Variants in KHDRBS3 observed in about 807,000 individuals in gnomAD.
The protein encoded by KHDRBS3 is KH RNA binding domain containing, signal transduction associated 3.
In KHDRBS3, 23 loss-of-function variants were observed where a neutral mutation model predicts 45.6. The ratio of observed to expected loss-of-function variants is 0.50; its 90% CI spans 0.36 to 0.72. The LOEUF (loss-of-function observed/expected upper bound fraction) is 0.72, where lower values mean the gene tolerates loss of function less well. Among genes scored for constraint, KHDRBS3 ranks in the 30% least tolerant of loss-of-function variants. The pLI is 0.00. For missense variants in KHDRBS3, 352 were observed against 424.8 expected (o/e 0.83, Z 1.51); for synonymous variants, 162 against 156.5 (o/e 1.04, Z -0.26).
In KHDRBS3 at chr8:135,542,695, T is replaced by C; in HGVS notation, c.249T>C (p.Ser83=). ...AACTTTTGGGTCCACGTGGCAATTC[T>C]CTGAAGCGTTTACAAGAAGAAACCT... ...VGKLLGPRGN[S]LKRLQEETLT... is the part of the protein sequence containing the mutation. Residue 83 remains serine, a synonymous_variant, in exon 3 of 9, where the codon TCT becomes TCC. Transcript: ENST00000355849. The C allele has an allele frequency of 6.2e-7, 1 of 1,613,894 alleles. No individual in the cohort carries two copies. The highest frequency in any genetic ancestry group is 2.2e-5 in the East Asian group (1 of 44,846).
intron 1 of KHDRBS3, among the ~76,000 whole-genome samples, chr8:135,498,003 C>T (rs1316722643): frequency 6.6e-6 from 1 of 152,126 alleles, no homozygotes; most frequent in East Asian, 1.9e-4. Context: ...ATGGTGCCTT[C>T]CTTCCTTGAT....
At chr8:135,599,145 A>G (rs1202950115) in intron 6 of KHDRBS3, among the ~76,000 whole-genome samples, 1 of 152,224 alleles carries the variant, frequency 6.6e-6, no homozygotes, top group East Asian at 1.9e-4. Context: ...TGACAAATGA[A>G]GAATCTCCAC....
intron 1 of KHDRBS3, among the ~76,000 whole-genome samples, chr8:135,483,949 G>A (rs535912870): frequency 1.6e-4 from 24 of 152,126 alleles, no homozygotes; most frequent in Non-Finnish European, 1.3e-4. Context: ...TGGAAGACAG[G>A]ATAGCATGGT....
intron 5 of KHDRBS3, among the ~76,000 whole-genome samples, chr8:135,578,283 T>A (rs1039533174): frequency 6.6e-6 from 1 of 152,150 alleles, no homozygotes; most frequent in South Asian, 2.1e-4. Context: ...TTTTTTGATA[T>A]TGTATCTAAA....
chr8:135,586,760 A>G (rs1828495649), intron 6 of KHDRBS3, among the ~76,000 whole-genome samples: 1 of 152,208 alleles, frequency 6.6e-6, no homozygotes, highest in Non-Finnish European at 1.5e-5. Context: ...GTTTGGCTAT[A>G]TCAAACCAAC....
At chr8:135,516,494 C>T (rs998978331) in intron 1 of KHDRBS3, among the ~76,000 whole-genome samples, 10 of 151,904 alleles carry the variant, frequency 6.6e-5, no homozygotes, top group African/African-American at 1.9e-4. Context: ...ACTGTAATGT[C>T]GCTACATGAT....
chr8:135,592,657 T>A (rs1828800646), intron 6 of KHDRBS3, among the ~76,000 whole-genome samples: 1 of 152,208 alleles, frequency 6.6e-6, no homozygotes, highest in Non-Finnish European at 1.5e-5. Context: ...AGTTCTTAGC[T>A]GGAATGTACC....
At chr8:135,504,852 A>G (rs999054532) in intron 1 of KHDRBS3, among the ~76,000 whole-genome samples, 6 of 152,200 alleles carry the variant, frequency 3.9e-5, no homozygotes, top group African/African-American at 1.4e-4. Flanking sequence ...ATGTCATTAC[A>G]TAGATGCCAT....
intron 1 of KHDRBS3, among the ~76,000 whole-genome samples, chr8:135,466,926 C>G (rs1201096240): frequency 6.6e-6 from 1 of 152,222 alleles, no homozygotes; most frequent in African/African-American, 2.4e-5. Flanking sequence ...CTCATCTGCA[C>G]ATGGCAGGCA....
intron 7 of KHDRBS3, among the ~76,000 whole-genome samples, chr8:135,613,183 G>A (rs1829775904): frequency 6.6e-6 from 1 of 151,808 alleles, no homozygotes; most frequent in South Asian, 2.1e-4. Context: ...ATTATAGTAT[G>A]CATAAGCACA....
intron 4 of KHDRBS3, among the ~76,000 whole-genome samples, chr8:135,552,277 C>T (rs1826643219): frequency 6.6e-6 from 1 of 152,002 alleles, no homozygotes; most frequent in Non-Finnish European, 1.5e-5. Flanking sequence ...ATGCTGGTGT[C>T]TCATGGATTT....
chr8:135,508,131 A>T (rs557948434), intron 1 of KHDRBS3, among the ~76,000 whole-genome samples: 63 of 152,218 alleles, frequency 4.1e-4, no homozygotes, highest in African/African-American at 1.4e-3. Context: ...TCAGAAACTG[A>T]TGTAAAAATG....
chr8:135,554,940 T>A (rs904657588), intron 4 of KHDRBS3, among the ~76,000 whole-genome samples: 1 of 152,186 alleles, frequency 6.6e-6, no homozygotes, highest in African/African-American at 2.4e-5. Flanking sequence ...CCTCTGTTCC[T>A]CCCTGCAAAC....
intron 1 of KHDRBS3, among the ~76,000 whole-genome samples, chr8:135,488,994 C>T (rs1823005155): frequency 1.3e-5 from 2 of 152,116 alleles, no homozygotes; most frequent in South Asian, 4.1e-4. Context: ...CTGTATTTTT[C>T]TGAAAAATAA....
intron 2 of KHDRBS3, among the ~76,000 whole-genome samples, chr8:135,525,974 C>T (rs1301693361): frequency 1.3e-5 from 2 of 152,108 alleles, no homozygotes; most frequent in Non-Finnish European, 2.9e-5. Context: ...GATTATAATA[C>T]TGTATTTTTG....
chr8:135,536,250 T>G (rs551726504), intron 2 of KHDRBS3, among the ~76,000 whole-genome samples: 2 of 113,724 alleles, frequency 1.8e-5, no homozygotes, highest in South Asian at 2.3e-4. Context: ...TTTTTTTTTT[T>G]TTTTTTTTTT....
At chr8:135,459,886 A>T (rs1444729150) in intron 1 of KHDRBS3, among the ~76,000 whole-genome samples, 3 of 152,184 alleles carry the variant, frequency 2.0e-5, no homozygotes, top group Non-Finnish European at 4.4e-5. Context: ...AACTTGATAA[A>T]CTTACTTTTC....
At chr8:135,489,466 T>C (rs1823029764) in intron 1 of KHDRBS3, among the ~76,000 whole-genome samples, 1 of 151,858 alleles carries the variant, frequency 6.6e-6, no homozygotes, top group African/African-American at 2.4e-5. Context: ...GATCACGAGG[T>C]CAAGAGATCG....
At chr8:135,488,875 T>A (rs1161930496) in intron 1 of KHDRBS3, among the ~76,000 whole-genome samples, 1 of 152,220 alleles carries the variant, frequency 6.6e-6, no homozygotes, top group Non-Finnish European at 1.5e-5. Flanking sequence ...TTATGCTTAA[T>A]AAACATTTTC....
Sources: gnomAD v4.1 joint callset for allele counts (sites outside exome capture counted in the v4.1 genomes callset) on GRCh38, gnomAD v4.1.1 for gene constraint, MANE v1.5 for transcripts, NCBI Gene and HGNC (gene_info 2026-07-23, HGNC 2026-07-21) for gene names.